PPP1R1C: variants seen among roughly 807,000 people sequenced by gnomAD.
PPP1R1C encodes the protein protein phosphatase 1 regulatory inhibitor subunit 1C, also known as protein phosphatase 1 regulatory subunit 1C.
A neutral mutation model predicts 17.4 loss-of-function variants in PPP1R1C; 15 were observed. The ratio of observed to expected loss-of-function variants is 0.86; its 90% CI spans 0.58 to 1.33. The LOEUF is 1.33. PPP1R1C is among the 40% of genes most tolerant of loss of function. PPP1R1C has a pLI of 0.00. For synonymous variants in PPP1R1C, 35 were observed against 43.1 expected (o/e 0.81, Z 0.73); for missense variants, 143 against 130.0 (o/e 1.10, Z -0.48).
chr2:182,001,077 G>A (rs1685752854), intron 2 of PPP1R1C, among the ~76,000 whole-genome samples: 1 of 152,084 alleles, frequency 6.6e-6, no homozygotes, highest in African/African-American at 2.4e-5. Context: ...TAACCCATTG[G>A]ATTATTATGA....
Position 182,056,846 on chromosome 2 carries a change from G to C in PPP1R1C, c.143-4596G>C, listed in dbSNP as rs188592463. 3.7e-4 allele frequency among the ~76,000 whole-genome samples: 57 copies of C among 152,160 alleles called. No individual in the cohort carries two copies. The East Asian group carries it at 0.011, about 29-fold the overall frequency. On this transcript the variant is annotated intron_variant, in intron 2 of 4. Coordinates refer to ENST00000682840, the MANE Select transcript of PPP1R1C (RefSeq NM_001080545.3). ...TTCTCAATCTCTAGAAACCAACAGA[G>C]GGAAGTCATACATCCTTATTTTTCC...
At chr2:182,088,715 C>A (rs1201994295) in intron 4 of PPP1R1C, among the ~76,000 whole-genome samples, 1 of 152,172 alleles carries the variant, frequency 6.6e-6, no homozygotes, top group Non-Finnish European at 1.5e-5. Context: ...ACTACACTGA[C>A]TATTTCTTTT....
intron 3 of PPP1R1C, 103 bp from the exon 4 acceptor site, chr2:182,063,628 A>C: frequency 3.5e-6 from 3 of 865,902 alleles, no homozygotes; most frequent in Non-Finnish European, 5.9e-6. Context: ...GAAATCAGAA[A>C]GCTTTTCATA....
chr2:181,968,992 A>T (rs1447576495), intron 1 of PPP1R1C, among the ~76,000 whole-genome samples: 1 of 152,156 alleles, frequency 6.6e-6, no homozygotes, highest in East Asian at 1.9e-4. Flanking sequence ...AAATCTGTAA[A>T]TTTTAACTTG....
chr2:181,987,822 GC>G lies in PPP1R1C; in HGVS notation c.82-16del. On this transcript the variant is annotated splice_polypyrimidine_tract_variant and intron_variant, in intron 1 of 4. Transcript: ENST00000682840. Reference sequence around the variant, plus strand: ...TCTAATACTCACTGATATTAGCTGGGCTTTTGTCGTTCACAGATCAGGAAAA... The same window carrying G: ...TCTAATACTCACTGATATTAGCTGGGTTTTGTCGTTCACAGATCAGGAAAA... The G allele has an allele frequency of 1.9e-6, 3 of 1,613,088 alleles. No homozygotes were observed. Among genetic ancestry groups the G allele is most frequent in the Non-Finnish European group, 2.5e-6 (3 of 1,179,252 alleles).
intron 4 of PPP1R1C, among the ~76,000 whole-genome samples, chr2:182,105,255 T>C (rs558100356): frequency 2.6e-5 from 4 of 152,108 alleles, no homozygotes; most frequent in Admixed American, 2.6e-4. Flanking sequence ...GAGGAGTGAA[T>C]AGCATTCTGA....
intron 1 of PPP1R1C, among the ~76,000 whole-genome samples, chr2:181,969,988 A>G (rs1479299692): frequency 6.6e-6 from 1 of 152,154 alleles, no homozygotes; most frequent in Admixed American, 6.5e-5. Context: ...AATTTATCTG[A>G]TAAGATTCTG....
rs76148905 is a variant in PPP1R1C, at chr2:181,957,542, C to T, written n.111+2908C>T. ...ACAGACATTCATTCCATTGTTTATACGTAAAATTACTAAATATTAGTTATT... is the reference window on the plus strand; with the variant it reads ...ACAGACATTCATTCCATTGTTTATATGTAAAATTACTAAATATTAGTTATT... On this transcript the variant is annotated intron_variant and non_coding_transcript_variant, in intron 1 of 5. Transcript: ENST00000464264. This position sits in a 1 kb window ranked among gnomAD's most constrained non-coding sequence, Gnocchi z 4.2. Among the ~76,000 whole-genome samples the T allele has an allele frequency of 0.037, 5,671 of 152,176 alleles. 137 individuals carry two copies. The highest frequency in any genetic ancestry group is 0.1 in the East Asian group (521 of 5,182).
rs376202661 is a variant in PPP1R1C, at chr2:181,979,746, G to C, written n.157+4482G>C. 3.1e-3 allele frequency among the ~76,000 whole-genome samples: 473 copies of C among 152,324 alleles called. 1 individual carries two copies. The highest frequency in any genetic ancestry group is 0.011 in the African/African-American group (446 of 41,578). On this transcript the variant is annotated intron_variant and non_coding_transcript_variant, in intron 2 of 5. Transcript: ENST00000464264. ...ATAGAGTGTACGTAGTGTTAGAGGCGATGGAGCCTGTCTCTATGTAAAAAT... is the reference window on the plus strand; with the variant it reads ...ATAGAGTGTACGTAGTGTTAGAGGCCATGGAGCCTGTCTCTATGTAAAAAT...
chr2:182,000,648 A>G (rs1368084989), intron 2 of PPP1R1C, among the ~76,000 whole-genome samples: 1 of 152,162 alleles, frequency 6.6e-6, no homozygotes, highest in African/African-American at 2.4e-5. Context: ...TTAGTTATGT[A>G]TTATTTGGTT....
chr2:182,032,183 A>G (rs76855259), intron 2 of PPP1R1C, among the ~76,000 whole-genome samples: 2,831 of 152,350 alleles, frequency 0.019, 74 homozygotes, highest in African/African-American at 0.065. Flanking sequence ...CAAGGGGGCC[A>G]TCCCTTTCAA....
chr2:182,114,359 A>G (rs77500668), intron 4 of PPP1R1C, among the ~76,000 whole-genome samples: 1,885 of 152,242 alleles, frequency 0.012, 45 homozygotes, highest in African/African-American at 0.042. Context: ...ATTTTCATCC[A>G]TCTCTAGAAT....
chr2:182,065,679 C>A (rs191738842), intron 4 of PPP1R1C, among the ~76,000 whole-genome samples: 1 of 152,066 alleles, frequency 6.6e-6, no homozygotes, highest in East Asian at 1.9e-4. Flanking sequence ...TATGATTATG[C>A]CTGTGAATAG....
At chr2:182,106,922 C>T (rs906380036) in intron 4 of PPP1R1C, among the ~76,000 whole-genome samples, 7 of 152,146 alleles carry the variant, frequency 4.6e-5, no homozygotes, top group Non-Finnish European at 1.0e-4. Context: ...AGCCACACCC[C>T]CACTGCATGC....
At position 181,976,625 on chromosome 2, in the gene PPP1R1C, T is replaced by C. The variant is rs1204603424; in HGVS notation, n.157+1361T>C. Reference sequence around the variant, plus strand: ...CTGTATATCTATATCTATATCTATATCTGTATCTATCTATTCCTCACTCCT... The same window carrying C: ...CTGTATATCTATATCTATATCTATACCTGTATCTATCTATTCCTCACTCCT... On this transcript the variant is annotated intron_variant and non_coding_transcript_variant, in intron 2 of 5. Coordinates refer to the PPP1R1C transcript ENST00000464264. The surrounding 1 kb of genome is among the most constrained non-coding windows in gnomAD (Gnocchi z 4.8). Among the ~76,000 whole-genome samples, 1 of 152,172 alleles carries C rather than the reference T, an allele frequency of 6.6e-6. No homozygotes were observed. Among genetic ancestry groups the C allele is most frequent in the Non-Finnish European group, 1.5e-5 (1 of 68,034 alleles).
chr2:181,999,341 A>G (rs952263278), intron 2 of PPP1R1C, among the ~76,000 whole-genome samples: 1 of 152,200 alleles, frequency 6.6e-6, no homozygotes, highest in Admixed American at 6.5e-5. Context: ...TCTATAATAC[A>G]TGTCCTTACA....
intron 2 of PPP1R1C, among the ~76,000 whole-genome samples, chr2:182,000,155 T>C (rs1478144619): frequency 6.6e-6 from 1 of 152,172 alleles, no homozygotes; most frequent in Admixed American, 6.5e-5. Flanking sequence ...TTCTACCAGC[T>C]AGCAGTAAGT....
At chr2:182,098,338 A>G (rs1689003110) in intron 4 of PPP1R1C, among the ~76,000 whole-genome samples, 1 of 152,214 alleles carries the variant, frequency 6.6e-6, no homozygotes, top group African/African-American at 2.4e-5. Context: ...AGTAATAGAA[A>G]CAAAAAATGC....
chr2:181,987,149 C>G (rs1257067926), intron 1 of PPP1R1C, among the ~76,000 whole-genome samples: 1 of 151,854 alleles, frequency 6.6e-6, no homozygotes, highest in East Asian at 1.9e-4. Context: ...ATTTTATTAT[C>G]TATCCTACTG....
Sources: allele counts gnomAD v4.1 joint callset (sites outside exome capture counted in the v4.1 genomes callset), GRCh38; gene constraint gnomAD v4.1.1; non-coding constraint Gnocchi (gnomAD v3.1); transcripts MANE v1.5; gene names NCBI Gene and HGNC (gene_info 2026-07-23, HGNC 2026-07-21).